The following NTN4 variants were observed in gnomAD, a reference collection of about 807,000 sequenced individuals.
NTN4 encodes the protein netrin 4, also known as netrin-4.
A neutral mutation model predicts 73.6 loss-of-function variants in NTN4; 32 were observed. The ratio of observed to expected loss-of-function variants is 0.44; its 90% CI spans 0.33 to 0.58. The LOEUF (loss-of-function observed/expected upper bound fraction) is 0.58, where lower values mean the gene tolerates loss of function less well. NTN4 is among the 20% of genes least tolerant of loss of function. NTN4 has a pLI of 0.04. For synonymous variants in NTN4, 258 were observed against 287.5 expected (o/e 0.90, Z 1.04); for missense variants, 654 against 798.3 (o/e 0.82, Z 2.18).
At chr12:95,665,763 T>C (rs774797367) in intron 9 of NTN4, 47 bp downstream of exon 9, 1 of 1,462,384 alleles carries the variant, frequency 6.8e-7, no homozygotes, top group South Asian at 1.3e-5. Flanking sequence ...AAGCAGCAAA[T>C]CAGCAGAGAC....
intron 7 of NTN4, among the ~76,000 whole-genome samples, chr12:95,682,242 A>C (rs2078323039): frequency 6.6e-6 from 1 of 151,360 alleles, no homozygotes; most frequent in African/African-American, 2.4e-5. Context: ...TTTTGTAGAG[A>C]TAACTCTTGC....
intron 2 of NTN4, among the ~76,000 whole-genome samples, chr12:95,775,617 G>A (rs547914084): frequency 3.3e-5 from 5 of 152,340 alleles, no homozygotes; most frequent in East Asian, 1.9e-4. Flanking sequence ...ACTGCAAGGC[G>A]GCAGCCAGGC....
Position 95,738,114 on chromosome 12 carries a change from C to G in NTN4, c.616G>C (p.Asp206His). The change falls in exon 3 of 10, where the codon GAT becomes CAT. Residue 206 changes from aspartate to histidine, a missense_variant. Physicochemically the swap from Asp to His is moderately conservative, Grantham distance 81. Transcript: ENST00000343702. Reference sequence around the variant, plus strand: ...TTGGCACTGTAAGGGTTCTCTGTATCGTATGGTGGTGACAAAGCTTTGAAA... The same window carrying G: ...TTGGCACTGTAAGGGTTCTCTGTATGGTATGGTGGTGACAAAGCTTTGAAA... ...VIFKALSPPY[D>H]TENPYSAKVQ... 6.2e-7 allele frequency: 1 copy of G among 1,613,784 alleles called. No individual in the cohort carries two copies.
At chr12:95,731,912 A>T (rs1298387893) in intron 3 of NTN4, among the ~76,000 whole-genome samples, 1 of 152,154 alleles carries the variant, frequency 6.6e-6, no homozygotes, top group Non-Finnish European at 1.5e-5. Context: ...ATGATACTCC[A>T]TGTAGTTGTT....
At chr12:95,665,509 A>T (rs903119503) in intron 9 of NTN4, among the ~76,000 whole-genome samples, 3 of 152,228 alleles carry the variant, frequency 2.0e-5, no homozygotes, top group African/African-American at 7.2e-5. Flanking sequence ...GTGGCAGATA[A>T]ATTCATGAAA....
chr12:95,718,797 C>T (rs757161009), intron 3 of NTN4, among the ~76,000 whole-genome samples: 2 of 152,200 alleles, frequency 1.3e-5, no homozygotes, highest in Non-Finnish European at 2.9e-5. Flanking sequence ...AAAATAAATA[C>T]GATCCTTTTT....
intron 2 of NTN4, among the ~76,000 whole-genome samples, chr12:95,786,068 C>T (rs1048459341): frequency 1.3e-5 from 2 of 152,168 alleles, no homozygotes; most frequent in Non-Finnish European, 2.9e-5. Flanking sequence ...CAAAAATCAC[C>T]CCTAGTTGAA....
rs532544949 is a variant in NTN4, at chr12:95,726,982, T to A, written c.864+10884A>T. ...AAGACTCTGTCTCAAAAAAAAAAAA[T>A]TTTTTTGGGGAAAATGCCAGACTGT... On this transcript the variant is annotated intron_variant, in intron 3 of 9. Transcript: ENST00000343702. Among the ~76,000 whole-genome samples the A allele has an allele frequency of 1.7e-3, 243 of 143,326 alleles. 4 individuals are homozygous for A. The East Asian group carries it at 0.033, about 19-fold the overall frequency. 94.0% of individuals were successfully genotyped at this position (143,326 alleles called of 152,430 possible).
chr12:95,776,386 C>T (rs1463489130), intron 2 of NTN4, among the ~76,000 whole-genome samples: 1 of 152,134 alleles, frequency 6.6e-6, no homozygotes, highest in Non-Finnish European at 1.5e-5. Flanking sequence ...AAGTTCGAAC[C>T]CATCGCAAAG....
At chr12:95,751,771 C>T (rs1260814736) in intron 2 of NTN4, among the ~76,000 whole-genome samples, 2 of 146,884 alleles carry the variant, frequency 1.4e-5, no homozygotes, top group Non-Finnish European at 3.0e-5. Context: ...ACCCACTCCA[C>T]ATTACCTTCT....
intron 2 of NTN4, among the ~76,000 whole-genome samples, chr12:95,777,181 C>A (rs1245906015): frequency 6.6e-6 from 1 of 152,194 alleles, no homozygotes; most frequent in African/African-American, 2.4e-5. Context: ...TGGAAAGGAA[C>A]AACCAGTACC....
Position 95,787,237 on chromosome 12 carries a change from T to A in NTN4, c.287A>T (p.Asp96Val). 1 of 1,614,140 alleles carries A rather than the reference T, an allele frequency of 6.2e-7. No homozygotes were observed. Among genetic ancestry groups the A allele is most frequent in the Non-Finnish European group, 8.5e-7 (1 of 1,180,020 alleles). Reference protein sequence around the residue: ...HLAHLPSAMADSSFRFPRTWW... With the variant: ...HLAHLPSAMAVSSFRFPRTWW... ...TGTGCGAGGAAACCGGAAGGATGAG[T>A]CTGCCATGGCAGATGGCAGGTGAGC... is the stretch of plus-strand genomic sequence containing the variant. The change falls in exon 2 of 10, where the codon GAC becomes GTC. Residue 96 changes from aspartate (D) to valine (V), a missense_variant. Coordinates refer to ENST00000343702, the MANE Select transcript of NTN4 (RefSeq NM_021229.4).
At chr12:95,776,160 T>C (rs1175547405) in intron 2 of NTN4, among the ~76,000 whole-genome samples, 1 of 152,092 alleles carries the variant, frequency 6.6e-6, no homozygotes, top group Non-Finnish European at 1.5e-5. Flanking sequence ...ACCCCATCTG[T>C]ACATCACCAT....
chr12:95,672,279 T>G (rs947362715), intron 7 of NTN4: 2 of 749,004 alleles, frequency 2.7e-6, no homozygotes, highest in African/African-American at 1.7e-5. Flanking sequence ...GAACCCCAGC[T>G]GGCACTGCCT....
rs1201312022 is a variant in NTN4 at position 95,790,680 on chromosome 12, G to GGCCGCC, written c.-377_-372dup. 3 of 166,908 alleles carry GGCCGCC rather than the reference G, an allele frequency of 1.8e-5. No homozygotes were observed. Among genetic ancestry groups the GGCCGCC allele is most frequent in the Non-Finnish European group, 3.8e-5 (3 of 78,420 alleles). The allele number at this position is 166,908 out of a possible 1,614,324, so 10.3% of individuals were successfully genotyped here. ...AACTTTGCGAGACCTTTCACTTCCC[G>GGCCGCC]GCCGCCGCCGCCGCCTCCTCCTGGG... On this transcript the variant is annotated 5_prime_UTR_variant, in exon 1 of 10. Coordinates refer to ENST00000343702, the MANE Select transcript of NTN4 (RefSeq NM_021229.4). The surrounding 1 kb of genome is among the most constrained non-coding windows in gnomAD (Gnocchi z 6.5).
intron 3 of NTN4, among the ~76,000 whole-genome samples, chr12:95,721,839 C>T (rs1307892032): frequency 6.6e-6 from 1 of 152,082 alleles, no homozygotes; most frequent in African/African-American, 2.4e-5. Flanking sequence ...AGTCCAAGTT[C>T]ATCTGTGCCA....
At chr12:95,672,603 A>G in intron 7 of NTN4, 1 of 1,527,054 alleles carries the variant, frequency 6.5e-7, no homozygotes. Context: ...GATCTCGGTA[A>G]AGCAGAAACT....
At position 95,738,034 on chromosome 12, in the gene NTN4, CTG is replaced by C; in HGVS notation, c.694_695del (p.Gln232ValfsTer8). On this transcript the variant is annotated frameshift_variant, in exon 3 of 10. Transcript: ENST00000343702. LOFTEE classifies it high-confidence loss of function. Reference sequence around the variant, plus strand: ...GGTCATTTCTCTGACAGGGACAAGACTGTCGTTTCAGCAGCTGCACGCGAAGG... The same window carrying C: ...GGTCATTTCTCTGACAGGGACAAGACTCGTTTCAGCAGCTGCACGCGAAGG... ...TNLRVQLLKR[Q>X]SCPCQRNDLN... The C allele has an allele frequency of 6.2e-7, 1 of 1,614,162 alleles. No individual in the cohort carries two copies. Among genetic ancestry groups the C allele is most frequent in the Non-Finnish European group, 8.5e-7 (1 of 1,180,022 alleles).
chr12:95,700,672 G>A (rs1441582889), intron 5 of NTN4, among the ~76,000 whole-genome samples: 1 of 152,082 alleles, frequency 6.6e-6, no homozygotes, highest in Non-Finnish European at 1.5e-5. Context: ...CACAGAAATT[G>A]CTAAATGGTG....
Sources: allele counts gnomAD v4.1 joint callset (sites outside exome capture counted in the v4.1 genomes callset), GRCh38; gene constraint gnomAD v4.1.1; non-coding constraint Gnocchi (gnomAD v3.1); transcripts MANE v1.5; gene names NCBI Gene and HGNC (gene_info 2026-07-23, HGNC 2026-07-21).